Variants in DOP1B observed in about 807,000 individuals in gnomAD.
DOP1B encodes the protein protein DOP1B.
DOP1B carries 174 observed loss-of-function variants against 233.5 expected under a neutral mutation model. That is an observed-to-expected ratio of 0.75 (90% CI 0.66 to 0.85). The LOEUF is 0.85. DOP1B is among the 40% of genes least tolerant of loss of function. The probability of loss-of-function intolerance (pLI) is 0.00; values close to 1 mark genes in which losing one functional copy is unlikely to be tolerated. For synonymous variants in DOP1B, 1,190 were observed against 1,185.6 expected, an observed-to-expected ratio of 1.00 and a Z score of -0.08; for missense variants, 2,652 against 2,846.6, an observed-to-expected ratio of 0.93 and a Z score of 1.56.
At chr21:36,280,221 A>G in intron 30 of DOP1B, 64 bp from the exon 31 acceptor site, 1 of 1,202,880 alleles carries the variant, frequency 8.3e-7, no homozygotes, top group Non-Finnish European at 1.2e-6. Context: ...TTATTTTCTT[A>G]ATGTTTTGAA....
In DOP1B at chr21:36,212,072, C is replaced by A. The variant is rs757408942; in HGVS notation, c.879C>A (p.Asn293Lys). 1 of 1,612,814 alleles carries A rather than the reference C, an allele frequency of 6.2e-7. No individual in the cohort carries two copies. Among genetic ancestry groups the A allele is most frequent in the Admixed American group, 1.7e-5 (1 of 59,616 alleles). Reference protein sequence around the residue: ...QTLLRRDMSLNRRLYAWLLGS... With the variant: ...QTLLRRDMSLKRRLYAWLLGS... ...TACTGAGAAGGGACATGTCCCTGAA[C>A]AGAAGACTGTATGCATGGTTACTAG... is the stretch of plus-strand genomic sequence containing the variant. Residue 293 changes from asparagine (N) to lysine (K), a missense_variant, in exon 7 of 37, where the codon AAC (asparagine) becomes AAA (lysine). Around this residue, in one of 3 missense-constraint regions of DOP1B, gnomAD observed 2,617 missense variants for 2,794.3 expected, o/e 0.94. Coordinates refer to ENST00000691173, the MANE Select transcript of DOP1B (RefSeq NM_001320714.2).
intron 15 of DOP1B, among the ~76,000 whole-genome samples, chr21:36,235,132 C>T (rs921685797): frequency 6.6e-6 from 1 of 152,156 alleles, no homozygotes; most frequent in Non-Finnish European, 1.5e-5. Flanking sequence ...TTGAGGACAG[C>T]GGCAGCTAGT....
intron 10 of DOP1B, 91 bp from the exon 11 acceptor site, chr21:36,223,140 A>C: frequency 7.5e-7 from 1 of 1,334,842 alleles, no homozygotes; most frequent in Non-Finnish European, 1.0e-6. Flanking sequence ...AATAAGTTGC[A>C]GATGGTGAAA....
chr21:36,190,055 C>T lies in DOP1B; in HGVS notation c.139-9015C>T, dbSNP rs555502200. 1.4e-4 allele frequency among the ~76,000 whole-genome samples: 21 copies of T among 150,212 alleles called. No homozygotes were observed. The East Asian group carries it at 1.6e-3, about 11-fold the overall frequency. On this transcript the variant is annotated intron_variant, in intron 2 of 36. Coordinates refer to ENST00000691173, the MANE Select transcript of DOP1B (RefSeq NM_001320714.2). ...ATTTTCAGCTGGGCACAGTGGCTTACACCTGTAATCCCAGCACTTTGGGAG... is the reference window on the plus strand; with the variant it reads ...ATTTTCAGCTGGGCACAGTGGCTTATACCTGTAATCCCAGCACTTTGGGAG...
rs1002502290 is a variant in DOP1B at position 36,239,659 on chromosome 21, T to A, written c.2877-106T>A. ...TCTGGAAGTCCAGCTTGGGTGGAGG[T>A]CCTAGGGTACCTGTGTTGGGTGACG... On this transcript the variant is annotated intron_variant, in intron 17 of 36. Coordinates refer to ENST00000691173, the MANE Select transcript of DOP1B (RefSeq NM_001320714.2). 7 of 1,303,520 alleles carry A rather than the reference T, an allele frequency of 5.4e-6. No individual in the cohort carries two copies. In the African/African-American group the frequency reaches 9.0e-5, roughly 17 times the overall value. The allele number at this position is 1,303,520 out of a possible 1,614,324, so 80.7% of individuals were successfully genotyped here.
At chr21:36,209,714 A>G (rs2066470872) in intron 5 of DOP1B, among the ~76,000 whole-genome samples, 1 of 152,082 alleles carries the variant, frequency 6.6e-6, no homozygotes, top group Admixed American at 6.5e-5. Context: ...TTCCCTGGTA[A>G]CGACATCCCT....
At chr21:36,161,727 T>A (rs759843086) in intron 1 of DOP1B, among the ~76,000 whole-genome samples, 2 of 152,214 alleles carry the variant, frequency 1.3e-5, no homozygotes, top group Non-Finnish European at 2.9e-5. Flanking sequence ...ACGTTTGCCT[T>A]ACCTGAGAAA....
chr21:36,238,745 ACT>A, intron 17 of DOP1B, 44 bp downstream of exon 17: 2 of 1,596,790 alleles, frequency 1.3e-6, no homozygotes, highest in Non-Finnish European at 1.7e-6. Flanking sequence ...TCACGAGGAA[ACT>A]CCACAGAGGT....
intron 2 of DOP1B, among the ~76,000 whole-genome samples, chr21:36,176,704 A>G (rs776704475): frequency 1.3e-5 from 2 of 152,002 alleles, no homozygotes; most frequent in Non-Finnish European, 2.9e-5. Context: ...TAGATCCTGT[A>G]CCTCTGCAGG....
In DOP1B at chr21:36,214,013, C is replaced by G. The variant is rs558255000; in HGVS notation, c.905-68C>G. On this transcript the variant is annotated intron_variant, in intron 7 of 36. Transcript: ENST00000691173. The stretch of plus-strand genomic sequence containing the variant: ...TTTTTAAAAATATTGGAGCATGAGA[C>G]TTTTGCACAATATGATGTCCTTTAA... 7 of 1,290,824 alleles carry G rather than the reference C, an allele frequency of 5.4e-6. No individual in the cohort carries two copies. The African/African-American group carries it at 6.0e-5, about 11-fold the overall frequency. 80.0% of individuals were successfully genotyped at this position (1,290,824 alleles called of 1,614,324 possible). A position where few individuals can be genotyped will look rare whatever the true frequency, so the allele number is the denominator to read the frequency against.
intron 32 of DOP1B, 88 bp downstream of exon 32, chr21:36,281,699 A>C: frequency 8.1e-7 from 1 of 1,241,184 alleles, no homozygotes; most frequent in Non-Finnish European, 1.1e-6. Context: ...TTATTGCCTC[A>C]CAGTTCTGGA....
chr21:36,237,335 T>A lies in DOP1B; in HGVS notation c.2696T>A (p.Phe899Tyr), dbSNP rs200386903. Residue 899 changes from phenylalanine (F) to tyrosine (Y), a missense_variant, in exon 16 of 37, where the codon TTC (phenylalanine) becomes TAC (tyrosine). This residue lies in a region of DOP1B where 2,617 missense variants were observed against 2,794.3 expected (regional missense o/e 0.94). Transcript: ENST00000691173. ...REHHVTCVEL[F>Y]YRLHCLAPTA... Reference sequence around the variant, plus strand: ...CATCACGTCACCTGCGTAGAATTGTTCTACCGGCTGCACTGCCTGGCCCCT... The same window carrying A: ...CATCACGTCACCTGCGTAGAATTGTACTACCGGCTGCACTGCCTGGCCCCT... The A allele has an allele frequency of 3.8e-4, 611 of 1,614,190 alleles. No homozygotes were observed. Among genetic ancestry groups the A allele is most frequent in the Non-Finnish European group, 4.8e-4 (562 of 1,180,042 alleles).
At chr21:36,229,891 G>GA (rs1266679795) in intron 13 of DOP1B, among the ~76,000 whole-genome samples, 1 of 151,880 alleles carries the variant, frequency 6.6e-6, no homozygotes, top group African/African-American at 2.4e-5. Context: ...TTGAGCTCCT[G>GA]ACCTCAGGAG....
intron 14 of DOP1B, among the ~76,000 whole-genome samples, chr21:36,231,671 G>GTTTTTTTT (rs1223755186): frequency 6.8e-6 from 1 of 146,432 alleles, no homozygotes; most frequent in African/African-American, 2.6e-5. Flanking sequence ...TTTGTGTTGG[G>GTTTTTTTT]TTTTTTTGTT....
intron 5 of DOP1B, among the ~76,000 whole-genome samples, chr21:36,210,773 C>T (rs1269217071): frequency 6.6e-6 from 1 of 152,196 alleles, no homozygotes; most frequent in Non-Finnish European, 1.5e-5. Flanking sequence ...GATCACACCA[C>T]TGCACTCCAG....
intron 2 of DOP1B, among the ~76,000 whole-genome samples, chr21:36,182,982 A>G (rs1335352405): frequency 6.6e-6 from 1 of 152,168 alleles, no homozygotes; most frequent in African/African-American, 2.4e-5. Flanking sequence ...CATGGCAGAC[A>G]TTCTGGCTGC....
chr21:36,213,759 C>T (rs565722166), intron 7 of DOP1B, among the ~76,000 whole-genome samples: 4 of 150,074 alleles, frequency 2.7e-5, no homozygotes, highest in South Asian at 2.1e-4. Flanking sequence ...ACGCTGGTTT[C>T]GAACTCCTGA....
At chr21:36,241,693 CTTTT>C (rs58454212) in intron 18 of DOP1B, among the ~76,000 whole-genome samples, 6 of 105,552 alleles carry the variant, frequency 5.7e-5, no homozygotes, top group African/African-American at 1.1e-4. Flanking sequence ...TTCTTTCTTT[CTTTT>C]TTTTTTTTTT....
chr21:36,253,639 A>AAG, intron 22 of DOP1B, 133 bp from the exon 23 acceptor site: 33 of 664,722 alleles, frequency 5.0e-5, no homozygotes, highest in Middle Eastern at 4.6e-4. Context: ...CCGTGTTTCA[A>AAG]AAAAAAAAAA....
Sources: gnomAD v4.1 joint callset for allele counts (sites outside exome capture counted in the v4.1 genomes callset) on GRCh38, gnomAD v4.1.1 for gene constraint, gnomAD v4.1.1 regional missense constraint, MANE v1.5 for transcripts, NCBI Gene and HGNC (gene_info 2026-07-23, HGNC 2026-07-21) for gene names.